The following ZGRF1 variants were observed in gnomAD, a reference collection of about 807,000 sequenced individuals.
ZGRF1 encodes zinc finger GRF-type containing 1.
In ZGRF1, 196 loss-of-function variants were observed where a neutral mutation model predicts 203.5. The ratio of observed to expected loss-of-function variants is 0.96; its 90% CI spans 0.86 to 1.08. The LOEUF is 1.08. ZGRF1 is among the 50% of genes least tolerant of loss of function. The pLI is 0.00. For synonymous variants in ZGRF1, 809 were observed against 841.3 expected, an observed-to-expected ratio of 0.96 and a Z score of 0.66; for missense variants, 2,326 against 2,416.3, an observed-to-expected ratio of 0.96 and a Z score of 0.78.
intron 15 of ZGRF1, 33 bp downstream of exon 15, chr4:112,583,945 T>G: frequency 7.2e-7 from 1 of 1,388,162 alleles, no homozygotes; most frequent in Non-Finnish European, 9.9e-7. Context: ...TCTTATATAA[T>G]CACAGGCAAT....
chr4:112,622,978 C>T (rs1464347314), intron 4 of ZGRF1, among the ~76,000 whole-genome samples: 1 of 152,146 alleles, frequency 6.6e-6, no homozygotes, highest in Non-Finnish European at 1.5e-5. Flanking sequence ...CCTACCCTCT[C>T]TCCGTTTCTC....
At chr4:112,545,452 G>T (rs988058513) in intron 24 of ZGRF1, among the ~76,000 whole-genome samples, 1 of 152,118 alleles carries the variant, frequency 6.6e-6, no homozygotes, top group Non-Finnish European at 1.5e-5. Flanking sequence ...ACACCCATTA[G>T]GATGGCTATG....
rs141276519 is a variant in ZGRF1 at position 112,608,736 on chromosome 4, A to G, written c.2718+643T>C. Reference sequence around the variant, plus strand: ...CAATTGTTTATAATTTTATATGTGTAATCTTGTTACATAAGAATGAAAAAT... The same window carrying G: ...CAATTGTTTATAATTTTATATGTGTGATCTTGTTACATAAGAATGAAAAAT... On this transcript the variant is annotated intron_variant, in intron 8 of 27. Transcript: ENST00000505019. Among the ~76,000 whole-genome samples, 469 of 152,336 alleles carry G rather than the reference A, an allele frequency of 3.1e-3. 2 individuals carry two copies. The highest frequency in any genetic ancestry group is 0.011 in the African/African-American group (448 of 41,592).
rs1159706657 is a variant in ZGRF1, at chr4:112,577,548, GAC to G, written c.4438+4113_4438+4114del. On this transcript the variant is annotated intron_variant, in intron 16 of 27. Coordinates refer to ENST00000505019, the MANE Select transcript of ZGRF1 (RefSeq NM_018392.5). ...TCAGGAAACCCATCTCACATGCAGA[GAC>G]ACACATAGGCTCAAAATAAAGAGAT... 4.9e-5 allele frequency among the ~76,000 whole-genome samples: 6 copies of G among 121,970 alleles called. 2 individuals carry two copies. Among genetic ancestry groups the G allele is most frequent in the Non-Finnish European group, 9.1e-5 (5 of 54,852 alleles). 80.0% of individuals were successfully genotyped at this position (121,970 alleles called of 152,430 possible).
intron 22 of ZGRF1, 104 bp downstream of exon 22, chr4:112,553,731 A>G (rs1173776306): frequency 3.1e-6 from 3 of 960,524 alleles, no homozygotes; most frequent in Non-Finnish European, 4.5e-6. Flanking sequence ...AAACTATCAT[A>G]GCAGTTTGTT....
rs1391737872 is a variant in ZGRF1, at chr4:112,618,082, C to A, written c.1960G>T (p.Val654Leu). The change falls in exon 6 of 28, where the codon GTA becomes TTA. Residue 654 changes from valine (V) to leucine (L), a missense_variant. Physicochemically the swap from Val to Leu is conservative, Grantham distance 32. Transcript: ENST00000505019. ...NFESFKWTDA[V>L]YGDNKEDANK... The stretch of plus-strand genomic sequence containing the variant: ...GCATCTTCTTTATTATCTCCGTATA[C>A]AGCATCAGTCCACTTGAAAGATTCA... The A allele has an allele frequency of 6.2e-7, 1 of 1,613,920 alleles. No individual in the cohort carries two copies. The highest frequency in any genetic ancestry group is 8.5e-7 in the Non-Finnish European group (1 of 1,179,912).
chr4:112,618,878 G>T lies in ZGRF1; in HGVS notation c.1164C>A (p.Asp388Glu), dbSNP rs759266060. The T allele has an allele frequency of 6.2e-7, 1 of 1,613,492 alleles. No homozygotes were observed. Among genetic ancestry groups the T allele is most frequent in the Admixed American group, 1.7e-5 (1 of 60,000 alleles). Residue 388 changes from aspartate to glutamate, a missense_variant, in exon 6 of 28, where the codon GAC becomes GAA. Asp to Glu is a conservative substitution (Grantham distance 45, BLOSUM62 2). Transcript: ENST00000505019. Reference sequence around the variant, plus strand: ...ATGGATCATTATTACCGACTGACTGGTCTACATTATACTTTTTCCTCTCTT... The same window carrying T: ...ATGGATCATTATTACCGACTGACTGTTCTACATTATACTTTTTCCTCTCTT... ...YAEERKKYNV[D>E]QSVGNNDPSW... is the part of the protein sequence containing the mutation.
intron 10 of ZGRF1, among the ~76,000 whole-genome samples, chr4:112,598,488 A>G (rs908997865): frequency 7.6e-5 from 6 of 78,500 alleles, no homozygotes; most frequent in Non-Finnish European, 1.3e-4. Flanking sequence ...AAGTTATAAT[A>G]TAACTTAATA....
chr4:112,598,114 C>T (rs140102382), intron 10 of ZGRF1, among the ~76,000 whole-genome samples: 188 of 152,194 alleles, frequency 1.2e-3, no homozygotes, highest in African/African-American at 4.5e-3. Flanking sequence ...ATGTAAGCAA[C>T]TCATGCTAGG....
Position 112,617,741 on chromosome 4 carries a change from T to C in ZGRF1, c.2301A>G (p.Pro767=). The C allele has an allele frequency of 1.2e-6, 2 of 1,614,108 alleles. No individual in the cohort carries two copies. The highest frequency in any genetic ancestry group is 2.2e-5 in the East Asian group (1 of 44,868). ...TGGAAATAAGATGCTTTTTTCCCAG[T>C]GGGTAAAACAAAGAATTGGAAATGT... The part of the protein sequence containing the change: ...NTHISNSLFY[P]LGKKHLISKD... Residue 767 remains proline, a synonymous_variant, in exon 6 of 28, where the codon CCA becomes CCG. Transcript: ENST00000505019.
chr4:112,571,430 G>T (rs1318473474), intron 16 of ZGRF1, among the ~76,000 whole-genome samples: 2 of 152,046 alleles, frequency 1.3e-5, no homozygotes, highest in Admixed American at 1.3e-4. Flanking sequence ...CAGAGAATAT[G>T]AATAAATTTA....
intron 20 of ZGRF1, 103 bp downstream of exon 20, chr4:112,558,047 G>T: frequency 2.2e-6 from 2 of 903,064 alleles, no homozygotes; most frequent in Non-Finnish European, 3.4e-6. Context: ...TGCATTCTTG[G>T]CATAACCAGC....
At chr4:112,544,461 TAAG>T (rs893450153) in intron 24 of ZGRF1, among the ~76,000 whole-genome samples, 3 of 152,182 alleles carry the variant, frequency 2.0e-5, no homozygotes, top group East Asian at 1.9e-4. Flanking sequence ...CAACGGTTCC[TAAG>T]AAGAATAACG....
intron 20 of ZGRF1, among the ~76,000 whole-genome samples, chr4:112,556,144 G>C (rs1424680138): frequency 1.3e-5 from 2 of 151,586 alleles, no homozygotes; most frequent in Non-Finnish European, 2.9e-5. Context: ...TGTACTGGAA[G>C]AATCTTTCTG....
chr4:112,587,169 A>T (rs1747323533), intron 12 of ZGRF1, 111 bp downstream of exon 12: 1 of 942,014 alleles, frequency 1.1e-6, no homozygotes, highest in African/African-American at 1.6e-5. Flanking sequence ...AGGATCAAAA[A>T]AAGCCATCTG....
intron 3 of ZGRF1, 28 bp downstream of exon 3, chr4:112,631,902 A>G: frequency 7.6e-7 from 1 of 1,318,450 alleles, no homozygotes; most frequent in South Asian, 1.5e-5. Flanking sequence ...TTGCTCTTGC[A>G]CCCTATAGTC....
intron 24 of ZGRF1, among the ~76,000 whole-genome samples, chr4:112,544,565 A>G (rs1302732481): frequency 8.5e-5 from 13 of 152,238 alleles, no homozygotes; most frequent in Non-Finnish European, 1.8e-4. Flanking sequence ...CTTGGGCCTC[A>G]GATGTCCTGT....
At chr4:112,603,364 A>G (rs1319627763) in intron 10 of ZGRF1, among the ~76,000 whole-genome samples, 160 bp downstream of exon 10, 1 of 152,210 alleles carries the variant, frequency 6.6e-6, no homozygotes, top group African/African-American at 2.4e-5. Context: ...TTTCAAGTAA[A>G]ATACTTTTGT....
chr4:112,562,624 G>C (rs1742218586), intron 17 of ZGRF1, 139 bp from the exon 18 acceptor site: 1 of 598,010 alleles, frequency 1.7e-6, no homozygotes, highest in East Asian at 2.8e-5. Context: ...AACACACACA[G>C]AGATCCCAAA....
Sources: gnomAD v4.1 joint callset for allele counts (sites outside exome capture counted in the v4.1 genomes callset) on GRCh38, gnomAD v4.1.1 for gene constraint, MANE v1.5 for transcripts, NCBI Gene and HGNC (gene_info 2026-07-23, HGNC 2026-07-21) for gene names.